Variants in NMT1 observed in about 807,000 individuals in gnomAD.
NMT1 encodes glycylpeptide N-tetradecanoyltransferase 1.
NMT1 carries 12 observed loss-of-function variants against 63.4 expected under a neutral mutation model. The observed-to-expected ratio is 0.19, with a 90% CI of 0.12 to 0.31. The LOEUF (loss-of-function observed/expected upper bound fraction) is 0.31. Ranked by LOEUF, NMT1 falls within the 10% of genes least tolerant of loss-of-function variation. NMT1 has a pLI of 1.00. For missense variants in NMT1, 432 were observed against 634.6 expected (o/e 0.68, Z 3.43); for synonymous variants, 228 against 234.3 (o/e 0.97, Z 0.25).
intron 1 of NMT1, among the ~76,000 whole-genome samples, chr17:45,079,128 G>T: frequency 6.7e-6 from 1 of 148,666 alleles, no homozygotes; most frequent in Non-Finnish European, 1.5e-5. Context: ...CCCCAAGATG[G>T]AGTCTTGCTC....
Position 45,099,674 on chromosome 17 carries a change from A to T in NMT1, c.993+161A>T, listed in dbSNP as rs1020315671. 4 of 598,138 alleles carry T rather than the reference A, an allele frequency of 6.7e-6. No homozygotes were observed. The African/African-American group carries it at 7.5e-5, about 11-fold the overall frequency. The allele number at this position is 598,138 out of a possible 1,614,324, so 37.1% of individuals were successfully genotyped here. A position where few individuals can be genotyped will look rare whatever the true frequency, so the allele number is the denominator to read the frequency against. ...ATTTCCTGGACTTTCTATTTCTGTTATCTGAAGCAGGATTTTATTTTAGTT... is the reference window on the plus strand; with the variant it reads ...ATTTCCTGGACTTTCTATTTCTGTTTTCTGAAGCAGGATTTTATTTTAGTT... On this transcript the variant is annotated intron_variant, in intron 8 of 11. Coordinates refer to ENST00000258960, the MANE Select transcript of NMT1 (RefSeq NM_021079.5).
rs934440994 is a variant in NMT1, at chr17:45,105,514, C to T, written c.1471-105C>T. 27 of 1,249,566 alleles carry T rather than the reference C, an allele frequency of 2.2e-5. No individual in the cohort carries two copies. The highest frequency in any genetic ancestry group is 1.3e-4 in the African/African-American group (9 of 67,344). The allele number at this position is 1,249,566 out of a possible 1,614,324, so 77.4% of individuals were successfully genotyped here. ...TGTGAGTCTGCTCCCACAGCACAGGCGGTGGACCCGGGCCCAGCCACTCGG... is the reference window on the plus strand; with the variant it reads ...TGTGAGTCTGCTCCCACAGCACAGGTGGTGGACCCGGGCCCAGCCACTCGG... On this transcript the variant is annotated intron_variant, in intron 11 of 11. Coordinates refer to ENST00000258960, the MANE Select transcript of NMT1 (RefSeq NM_021079.5). The surrounding 1 kb of genome is among the most constrained non-coding windows in gnomAD (Gnocchi z 4.2).
At chr17:45,088,750 T>C (rs1224014625) in intron 3 of NMT1, among the ~76,000 whole-genome samples, 1 of 146,550 alleles carries the variant, frequency 6.8e-6, no homozygotes, top group East Asian at 2.0e-4. Context: ...CAAGAATGCA[T>C]CTCAAAAATG....
intron 6 of NMT1, among the ~76,000 whole-genome samples, chr17:45,097,480 G>A (rs1362063929): frequency 6.6e-6 from 1 of 152,036 alleles, no homozygotes; most frequent in East Asian, 1.9e-4. Context: ...CCTGAGGCCT[G>A]GTGTGCCTGC....
intron 1 of NMT1, among the ~76,000 whole-genome samples, chr17:45,068,266 G>A (rs992511974): frequency 3.3e-5 from 5 of 152,164 alleles, no homozygotes; most frequent in Admixed American, 1.3e-4. Context: ...GAGGTCAGGA[G>A]TTCGAGACCA....
At chr17:45,082,493 T>G (rs1219172441) in intron 2 of NMT1, among the ~76,000 whole-genome samples, 1 of 152,082 alleles carries the variant, frequency 6.6e-6, no homozygotes, top group African/African-American at 2.4e-5. Context: ...AAGCCATGAG[T>G]CCCACAGAGT....
chr17:45,099,544 G>A lies in NMT1; in HGVS notation c.993+31G>A, dbSNP rs1447849288. Reference sequence around the variant, plus strand: ...TGCTGCCCCGGGTGGTGGGCAGGGGGCAGAGAGAGGGCAAGGAGAGCCTGG... The same window carrying A: ...TGCTGCCCCGGGTGGTGGGCAGGGGACAGAGAGAGGGCAAGGAGAGCCTGG... On this transcript the variant is annotated intron_variant, in intron 8 of 11. Coordinates refer to ENST00000258960, the MANE Select transcript of NMT1 (RefSeq NM_021079.5). The A allele has an allele frequency of 2.7e-6, 4 of 1,485,160 alleles. No homozygotes were observed. In the African/African-American group the frequency reaches 4.1e-5, roughly 15 times the overall value. 92.0% of individuals were successfully genotyped at this position (1,485,160 alleles called of 1,614,324 possible). A position where few individuals can be genotyped will look rare whatever the true frequency, so the allele number is the denominator to read the frequency against.
At chr17:45,075,478 CTT>C (rs1446318180) in intron 1 of NMT1, among the ~76,000 whole-genome samples, 2 of 149,788 alleles carry the variant, frequency 1.3e-5, no homozygotes, top group Non-Finnish European at 3.0e-5. Flanking sequence ...GAGCGAGACT[CTT>C]GTCTTAAAAA....
intron 1 of NMT1, among the ~76,000 whole-genome samples, chr17:45,075,433 C>G (rs912720762): frequency 6.7e-6 from 1 of 148,428 alleles, no homozygotes; most frequent in Non-Finnish European, 1.5e-5. Flanking sequence ...TGCAGTGAGC[C>G]GAGATCACAC....
chr17:45,102,020 C>G (rs2054169697), intron 8 of NMT1, among the ~76,000 whole-genome samples: 3 of 152,340 alleles, frequency 2.0e-5, no homozygotes, highest in Middle Eastern at 3.4e-3. Context: ...GAAACCCCAG[C>G]ATGGCTGTGT....
intron 1 of NMT1, among the ~76,000 whole-genome samples, chr17:45,063,665 G>A (rs2053882697): frequency 2.0e-5 from 3 of 152,192 alleles, no homozygotes; most frequent in African/African-American, 7.2e-5. Context: ...GGAGGCCGAG[G>A]CAGGTGGATC....
At chr17:45,063,968 C>T (rs1033443651) in intron 1 of NMT1, among the ~76,000 whole-genome samples, 6 of 151,814 alleles carry the variant, frequency 4.0e-5, no homozygotes, top group African/African-American at 1.5e-4. Flanking sequence ...GGGTGGATCA[C>T]GAGGTCAAGA....
In NMT1 at chr17:45,104,603, G is replaced by C; in HGVS notation, c.1333-256G>C. On this transcript the variant is annotated intron_variant, in intron 10 of 11. Coordinates refer to ENST00000258960, the MANE Select transcript of NMT1 (RefSeq NM_021079.5). This position sits in a 1 kb window ranked among gnomAD's most constrained non-coding sequence, Gnocchi z 4.2. ...AGGGAGGCATAACCAGGAATAGCAAGAGCCCCGGCCTGGACACTGAGTACA... is the reference window on the plus strand; with the variant it reads ...AGGGAGGCATAACCAGGAATAGCAACAGCCCCGGCCTGGACACTGAGTACA... 1 of 1,271,100 alleles carries C rather than the reference G, an allele frequency of 7.9e-7. No individual in the cohort carries two copies. Among genetic ancestry groups the C allele is most frequent in the Non-Finnish European group, 1.0e-6 (1 of 1,004,486 alleles). The allele number at this position is 1,271,100 out of a possible 1,614,324, so 78.7% of individuals were successfully genotyped here.
rs1307361644 is a variant in NMT1 at position 45,082,420 on chromosome 17, ACTT to A, written c.240+675_240+677del. Among the ~76,000 whole-genome samples the A allele has an allele frequency of 6.6e-5, 10 of 152,074 alleles. No individual in the cohort carries two copies. In the South Asian group the frequency reaches 1.9e-3, roughly 28 times the overall value. The stretch of plus-strand genomic sequence containing the variant: ...CGTGAGCCACTGCATTCAGCCAAAG[ACTT>A]CTTCTTAAGACCTTTATATATTTGC... On this transcript the variant is annotated intron_variant, in intron 2 of 11. Transcript: ENST00000258960.
chr17:45,079,477 A>G (rs771841237), intron 1 of NMT1, among the ~76,000 whole-genome samples: 1 of 152,206 alleles, frequency 6.6e-6, no homozygotes, highest in Non-Finnish European at 1.5e-5. Context: ...TTGGGAGTTC[A>G]AGGCAGCAGG....
intron 1 of NMT1, among the ~76,000 whole-genome samples, chr17:45,070,876 A>G (rs2053935438): frequency 6.6e-6 from 1 of 152,142 alleles, no homozygotes; most frequent in Admixed American, 6.6e-5. Flanking sequence ...TGGCAGTACT[A>G]AAGTGTTTTT....
Position 45,105,144 on chromosome 17 carries a change from C to T in NMT1, c.1470+148C>T. On this transcript the variant is annotated intron_variant, in intron 11 of 11. Transcript: ENST00000258960. The surrounding 1 kb of genome is among the most constrained non-coding windows in gnomAD (Gnocchi z 4.2). ...TTTGAAAATGCCCTCCCTCTGCTGG[C>T]CAGACCAGCAGGTCAGCGTTCCCCT... 1 of 1,031,130 alleles carries T rather than the reference C, an allele frequency of 9.7e-7. No homozygotes were observed. Among genetic ancestry groups the T allele is most frequent in the South Asian group, 1.5e-5 (1 of 64,766 alleles). 63.9% of individuals were successfully genotyped at this position (1,031,130 alleles called of 1,614,324 possible). A position where few individuals can be genotyped will look rare whatever the true frequency, so the allele number is the denominator to read the frequency against.
At chr17:45,078,245 G>A (rs184002215) in intron 1 of NMT1, among the ~76,000 whole-genome samples, 1,526 of 152,276 alleles carry the variant, frequency 0.01, 17 homozygotes, top group Non-Finnish European at 0.014. Context: ...TCAAGCATGG[G>A]GGGGACACAT....
intron 5 of NMT1, among the ~76,000 whole-genome samples, 198 bp downstream of exon 5, chr17:45,096,483 G>C (rs998347089): frequency 2.0e-5 from 3 of 152,220 alleles, no homozygotes; most frequent in Non-Finnish European, 4.4e-5. Context: ...ACAATTGACT[G>C]GGTGAGGGAG....
Sources: allele counts gnomAD v4.1 joint callset (sites outside exome capture counted in the v4.1 genomes callset), GRCh38; gene constraint gnomAD v4.1.1; non-coding constraint Gnocchi (gnomAD v3.1); transcripts MANE v1.5; gene names NCBI Gene and HGNC (gene_info 2026-07-23, HGNC 2026-07-21).